Variants in NYAP2 observed in about 807,000 individuals in gnomAD.
The protein encoded by NYAP2 is neuronal tyrosine-phosphorylated phosphoinositide-3-kinase adapter 2.
A neutral mutation model predicts 50.4 loss-of-function variants in NYAP2; 23 were observed. That is an observed-to-expected ratio of 0.46 (90% confidence interval 0.33 to 0.65). The LOEUF (loss-of-function observed/expected upper bound fraction) is 0.65, where lower values mean the gene tolerates loss of function less well. Ranked by LOEUF, NYAP2 falls within the 30% of genes least tolerant of loss-of-function variation. NYAP2 has a pLI of 0.02. For missense variants in NYAP2, 885 were observed against 861.0 expected, an observed-to-expected ratio of 1.03 and a Z score of -0.35; for synonymous variants, 394 against 365.2, an observed-to-expected ratio of 1.08 and a Z score of -0.90.
chr2:225,428,787 G>T (rs1173503004), intron 3 of NYAP2, among the ~76,000 whole-genome samples: 1 of 152,180 alleles, frequency 6.6e-6, no homozygotes, highest in South Asian at 2.1e-4. Context: ...TTGGATTATT[G>T]ATCCACATAC....
intron 4 of NYAP2, among the ~76,000 whole-genome samples, chr2:225,527,078 A>G (rs146413214): frequency 1.3e-5 from 2 of 152,292 alleles, no homozygotes; most frequent in African/African-American, 2.4e-5. Flanking sequence ...GGTTCTTGCC[A>G]TGGTTGTTGT....
intron 3 of NYAP2, among the ~76,000 whole-genome samples, chr2:225,495,263 G>A (rs1690482774): frequency 6.6e-6 from 1 of 152,048 alleles, no homozygotes; most frequent in Admixed American, 6.5e-5. Context: ...AGTGAATTTG[G>A]GGGAATATCT....
At chr2:225,490,416 C>T (rs1690383702) in intron 3 of NYAP2, among the ~76,000 whole-genome samples, 1 of 152,158 alleles carries the variant, frequency 6.6e-6, no homozygotes, top group Non-Finnish European at 1.5e-5. Flanking sequence ...ATGAAGGATG[C>T]TGTGGAGCAT....
intron 6 of NYAP2, among the ~76,000 whole-genome samples, chr2:225,641,660 A>G (rs895092398): frequency 1.3e-5 from 2 of 152,158 alleles, no homozygotes; most frequent in African/African-American, 4.8e-5. Context: ...TAAAAATACA[A>G]AAACTAGCTG....
At chr2:225,558,872 A>G (rs1015901925) in intron 4 of NYAP2, among the ~76,000 whole-genome samples, 3 of 152,106 alleles carry the variant, frequency 2.0e-5, no homozygotes, top group African/African-American at 7.2e-5. Flanking sequence ...ATGTTTTCCT[A>G]TCACTATGAT....
intron 3 of NYAP2, among the ~76,000 whole-genome samples, chr2:225,508,871 G>T (rs765771419): frequency 1.3e-5 from 2 of 152,186 alleles, no homozygotes; most frequent in African/African-American, 2.4e-5. Flanking sequence ...CTCAGAGGAG[G>T]TTCTCTGTTG....
chr2:225,489,382 G>C (rs1469297755), intron 3 of NYAP2, among the ~76,000 whole-genome samples: 1 of 151,750 alleles, frequency 6.6e-6, no homozygotes, highest in Non-Finnish European at 1.5e-5. Context: ...ATTTTTAGTA[G>C]AGATGGGATT....
At chr2:225,645,252 AAAG>A (rs1389985000) in intron 6 of NYAP2, among the ~76,000 whole-genome samples, 4 of 151,730 alleles carry the variant, frequency 2.6e-5, no homozygotes, top group South Asian at 2.1e-4. Context: ...AAAAAAAAAA[AAAG>A]AAGAAGAAAA....
intron 6 of NYAP2, among the ~76,000 whole-genome samples, chr2:225,630,943 A>G (rs1452613939): frequency 6.6e-6 from 1 of 152,196 alleles, no homozygotes; most frequent in Non-Finnish European, 1.5e-5. Context: ...TTGAGAAACC[A>G]GTAGATTGTT....
chr2:225,417,034 GT>G (rs1270127997), intron 3 of NYAP2, among the ~76,000 whole-genome samples: 1 of 152,154 alleles, frequency 6.6e-6, no homozygotes, highest in Non-Finnish European at 1.5e-5. Flanking sequence ...ACTGTCAATA[GT>G]TTCCTGTTGA....
intron 3 of NYAP2, among the ~76,000 whole-genome samples, chr2:225,490,590 T>A (rs913841738): frequency 2.0e-5 from 3 of 152,094 alleles, no homozygotes; most frequent in Admixed American, 6.6e-5. Flanking sequence ...AGGGAAATGA[T>A]AAGCAGACTG....
In NYAP2 at chr2:225,512,896, C is replaced by CCTTCCTTCCTTG. The variant is rs1224129197; in HGVS notation, c.222-472_222-471insCCTTCCTTGCTT. ...TCCTTCCTTCCTTCCTTCCTTCCTT[C>CCTTCCTTCCTTG]CTTTCCTTTCCTTTCTTTTTCTTTC... is the stretch of plus-strand genomic sequence containing the variant. On this transcript the variant is annotated intron_variant, in intron 3 of 6. Coordinates refer to ENST00000636099, the Ensembl canonical transcript of NYAP2. Among the ~76,000 whole-genome samples, 227 of 121,182 alleles carry CCTTCCTTCCTTG rather than the reference C, an allele frequency of 1.9e-3. 2 individuals carry two copies. Among genetic ancestry groups the CCTTCCTTCCTTG allele is most frequent in the African/African-American group, 6.5e-3 (212 of 32,538 alleles). 79.5% of individuals were successfully genotyped at this position (121,182 alleles called of 152,430 possible).
chr2:225,440,462 A>T (rs1390193499), intron 3 of NYAP2, among the ~76,000 whole-genome samples: 1 of 152,218 alleles, frequency 6.6e-6, no homozygotes, highest in Non-Finnish European at 1.5e-5. Flanking sequence ...AAAACAAAAC[A>T]ACTTCCTTGG....
chr2:225,574,804 G>A (rs200536895), intron 4 of NYAP2, among the ~76,000 whole-genome samples: 6 of 152,100 alleles, frequency 3.9e-5, no homozygotes, highest in East Asian at 3.9e-4. Context: ...GTTCAGTACC[G>A]TAAATCTTTC....
intron 3 of NYAP2, among the ~76,000 whole-genome samples, chr2:225,424,879 G>A (rs1473905597): frequency 6.6e-6 from 1 of 152,076 alleles, no homozygotes. Flanking sequence ...TAATAAGTTT[G>A]CAAAATGCTT....
At chr2:225,469,778 C>T (rs989173546) in intron 3 of NYAP2, among the ~76,000 whole-genome samples, 1 of 152,034 alleles carries the variant, frequency 6.6e-6, no homozygotes, top group African/African-American at 2.4e-5. Context: ...TATGTTCTCA[C>T]TCATAAATTG....
chr2:225,538,648 A>G (rs1299949873), intron 4 of NYAP2, among the ~76,000 whole-genome samples: 1 of 152,296 alleles, frequency 6.6e-6, no homozygotes, highest in South Asian at 2.1e-4. Context: ...GACCTCTGAC[A>G]TGCTCTGGAG....
chr2:225,542,923 G>T (rs904976428), intron 4 of NYAP2, among the ~76,000 whole-genome samples: 10 of 151,914 alleles, frequency 6.6e-5, no homozygotes, highest in Non-Finnish European at 1.5e-4. Flanking sequence ...AAAAATTTGT[G>T]TTATGGCTTT....
chr2:225,537,675 C>T (rs1295953749), intron 4 of NYAP2, among the ~76,000 whole-genome samples: 1 of 152,098 alleles, frequency 6.6e-6, no homozygotes, highest in Non-Finnish European at 1.5e-5. Context: ...CATATCATTC[C>T]ACCCCGACCC....
Sources: gnomAD v4.1 joint callset for allele counts (sites outside exome capture counted in the v4.1 genomes callset) on GRCh38, gnomAD v4.1.1 for gene constraint, MANE v1.5 for transcripts, NCBI Gene and HGNC (gene_info 2026-07-23, HGNC 2026-07-21) for gene names.